GRTP1: variants seen among roughly 807,000 people sequenced by gnomAD.
GRTP1 encodes growth hormone regulated TBC protein 1, also known as growth hormone-regulated TBC protein 1.
GRTP1 carries 56 observed loss-of-function variants against 38.1 expected under a neutral mutation model. The ratio of observed to expected loss-of-function variants is 1.47; its 90% CI spans 1.19 to 1.84. The LOEUF (loss-of-function observed/expected upper bound fraction) is 1.84, where lower values mean the gene tolerates loss of function less well. Ranked by LOEUF, GRTP1 falls within the 40% of genes most tolerant of loss-of-function variation. The pLI is 0.00. For synonymous variants in GRTP1, 217 were observed against 189.5 expected (o/e 1.14, Z -1.19); for missense variants, 506 against 453.9 (o/e 1.11, Z -1.04).
Position 113,353,408 on chromosome 13 carries a change from G to A in GRTP1, c.340+1915C>T, listed in dbSNP as rs79743505. Among the ~76,000 whole-genome samples the A allele has an allele frequency of 2.4e-3, 360 of 152,378 alleles. 1 individual carries two copies. The highest frequency in any genetic ancestry group is 8.2e-3 in the African/African-American group (340 of 41,598). ...TGAACAAAATGTAGTCTGCCCATGC[G>A]TGGAATATTATTCACCCTTAAAGAA... is the stretch of plus-strand genomic sequence containing the variant. On this transcript the variant is annotated intron_variant, in intron 3 of 7. Transcript: ENST00000375431.
chr13:113,328,621 G>A (rs1220470384), intron 5 of GRTP1, among the ~76,000 whole-genome samples: 1 of 152,244 alleles, frequency 6.6e-6, no homozygotes, highest in Non-Finnish European at 1.5e-5. Flanking sequence ...CTGGGCTCAA[G>A]TGATCCCCCT....
At chr13:113,336,079 A>G (rs984907993) in intron 5 of GRTP1, among the ~76,000 whole-genome samples, 2 of 152,178 alleles carry the variant, frequency 1.3e-5, no homozygotes, top group Admixed American at 6.5e-5. Flanking sequence ...GGCGACAGCC[A>G]CCACGCCTGG....
intron 3 of GRTP1, among the ~76,000 whole-genome samples, chr13:113,354,944 C>CA (rs1347500993): frequency 1.3e-5 from 2 of 152,152 alleles, no homozygotes; most frequent in Non-Finnish European, 2.9e-5. Context: ...TAACCAGATA[C>CA]AAAAAAGGAA....
At chr13:113,334,055 G>A (rs993086117) in intron 5 of GRTP1, among the ~76,000 whole-genome samples, 4 of 151,888 alleles carry the variant, frequency 2.6e-5, no homozygotes, top group African/African-American at 9.7e-5. Flanking sequence ...AGCTGGTCCC[G>A]AACTCCTGAC....
intron 5 of GRTP1, among the ~76,000 whole-genome samples, chr13:113,341,865 C>G (rs1459843246): frequency 6.6e-6 from 1 of 152,114 alleles, no homozygotes; most frequent in Non-Finnish European, 1.5e-5. Flanking sequence ...ATTGCCCAGG[C>G]TGGTCTCGAA....
chr13:113,356,517 C>T lies in GRTP1; in HGVS notation c.182-1036G>A, dbSNP rs552593240. Among the ~76,000 whole-genome samples the T allele has an allele frequency of 2.0e-5, 3 of 152,278 alleles. No homozygotes were observed. The East Asian group carries it at 5.8e-4, about 29-fold the overall frequency. On this transcript the variant is annotated intron_variant, in intron 2 of 7. Coordinates refer to ENST00000375431, the MANE Select transcript of GRTP1 (RefSeq NM_024719.4). ...TCTTGACCTCATGATCCGCCCACCT[C>T]GGCCTCCCAAAGTGCTGGGATTACA...
chr13:113,352,336 T>TA (rs2043295090), intron 3 of GRTP1, among the ~76,000 whole-genome samples: 1 of 87,160 alleles, frequency 1.1e-5, no homozygotes, highest in Non-Finnish European at 2.2e-5. Context: ...TTATATATAT[T>TA]TTATATATAT....
chr13:113,327,416 G>T (rs1160236060), intron 5 of GRTP1, among the ~76,000 whole-genome samples: 3 of 152,174 alleles, frequency 2.0e-5, no homozygotes, highest in Non-Finnish European at 2.9e-5. Context: ...CTGACCTCAT[G>T]ATCTGCCCGC....
chr13:113,328,034 A>AG (rs1272061119), intron 5 of GRTP1, among the ~76,000 whole-genome samples: 1 of 152,198 alleles, frequency 6.6e-6, no homozygotes, highest in Non-Finnish European at 1.5e-5. Flanking sequence ...TTGAACATCG[A>AG]GGGCAAGGTG....
chr13:113,338,486 G>A (rs964757276), intron 5 of GRTP1, among the ~76,000 whole-genome samples: 1 of 152,186 alleles, frequency 6.6e-6, no homozygotes, highest in Non-Finnish European at 1.5e-5. Flanking sequence ...GGGAAACCGG[G>A]GAGGCAGATG....
chr13:113,363,677 C>A (rs964183886), intron 2 of GRTP1, 85 bp downstream of exon 2: 2 of 1,388,074 alleles, frequency 1.4e-6, no homozygotes, highest in African/African-American at 2.9e-5. Context: ...CCCCTCCCTC[C>A]GCTCCGGGAG....
chr13:113,324,829 CTTT>C (rs781015380), intron 7 of GRTP1: 737 of 998,768 alleles, frequency 7.4e-4, no homozygotes, highest in East Asian at 5.3e-3. Context: ...TTCCATTAGA[CTTT>C]TTTTTTTTTT....
At position 113,342,403 on chromosome 13, in the gene GRTP1, G is replaced by A. The variant is rs1041041229; in HGVS notation, c.562+2460C>T. ...GGCGCCTGTAGTCCCAGCTACTCGG[G>A]AGGCTGAGGCAGGAGAATGGCGTGA... On this transcript the variant is annotated intron_variant, in intron 5 of 7. Transcript: ENST00000375431. The surrounding 1 kb of genome is among the most constrained non-coding windows in gnomAD (Gnocchi z 4.5). Among the ~76,000 whole-genome samples the A allele has an allele frequency of 6.6e-6, 1 of 152,088 alleles. No individual in the cohort carries two copies. Among genetic ancestry groups the A allele is most frequent in the Non-Finnish European group, 1.5e-5 (1 of 68,008 alleles).
At chr13:113,330,473 CA>C (rs2139404317) in intron 5 of GRTP1, among the ~76,000 whole-genome samples, 1 of 117,266 alleles carries the variant, frequency 8.5e-6, no homozygotes. Flanking sequence ...CATAAAAACC[CA>C]GGTGTGTGCA....
At chr13:113,351,727 C>G (rs1179854250) in intron 3 of GRTP1, 1 of 152,324 alleles carries the variant, frequency 6.6e-6, no homozygotes, top group African/African-American at 2.4e-5. Context: ...ACCCTGGACA[C>G]AAGCCGAGCA....
At chr13:113,363,620 A>C (rs2043541342) in intron 2 of GRTP1, 142 bp downstream of exon 2, 2 of 858,850 alleles carry the variant, frequency 2.3e-6, no homozygotes, top group Admixed American at 5.7e-5. Context: ...CGGCTGCCCT[A>C]GCTCGGAGCC....
intron 2 of GRTP1, among the ~76,000 whole-genome samples, chr13:113,356,712 A>G (rs188986174): frequency 1.4e-4 from 21 of 152,366 alleles, no homozygotes; most frequent in Admixed American, 9.1e-4. Context: ...ATAAAAACTC[A>G]TAACTTTATA....
At chr13:113,338,202 G>A (rs960582522) in intron 5 of GRTP1, among the ~76,000 whole-genome samples, 19 of 152,216 alleles carry the variant, frequency 1.2e-4, no homozygotes, top group African/African-American at 4.1e-4. Flanking sequence ...TTCTTCCTGC[G>A]TCCTTTCCAT....
chr13:113,329,828 T>C (rs1008060662), intron 5 of GRTP1, among the ~76,000 whole-genome samples: 14 of 152,254 alleles, frequency 9.2e-5, no homozygotes, highest in African/African-American at 3.1e-4. Context: ...CTTCTCCCTC[T>C]TCTTCAGTAT....
Sources: gnomAD v4.1 joint callset for allele counts (sites outside exome capture counted in the v4.1 genomes callset) on GRCh38, gnomAD v4.1.1 for gene constraint, Gnocchi (gnomAD v3.1) non-coding constraint, MANE v1.5 for transcripts, NCBI Gene and HGNC (gene_info 2026-07-23, HGNC 2026-07-21) for gene names.